Variants in COL6A1 observed in about 807,000 individuals in gnomAD.
COL6A1 encodes the protein collagen type VI alpha 1 chain.
Under a neutral mutation model 145.6 loss-of-function variants are expected in COL6A1, and 80 were observed. That is an observed-to-expected ratio of 0.55 (90% CI 0.46 to 0.66). The LOEUF (loss-of-function observed/expected upper bound fraction) is 0.66. Ranked by LOEUF, COL6A1 falls within the 30% of genes least tolerant of loss-of-function variation. The probability of loss-of-function intolerance (pLI) is 0.00; values close to 1 mark genes in which losing one functional copy is unlikely to be tolerated. For missense variants in COL6A1, 1,364 were observed against 1,473.8 expected (o/e 0.93, Z 1.22); for synonymous variants, 638 against 622.8 (o/e 1.02, Z -0.36).
At chr21:45,996,249 G>C (rs1471327768) in intron 20 of COL6A1, among the ~76,000 whole-genome samples, 1 of 152,200 alleles carries the variant, frequency 6.6e-6, no homozygotes, top group Non-Finnish European at 1.5e-5. Context: ...AGGATCTCAG[G>C]GTACCAGACT....
intron 25 of COL6A1, 95 bp downstream of exon 25, chr21:45,999,054 G>T: frequency 6.5e-7 from 1 of 1,540,984 alleles, no homozygotes; most frequent in African/African-American, 1.4e-5. Flanking sequence ...GCTTGGGGAG[G>T]CCTCATGGGC....
At chr21:45,992,325 A>T (rs752723766) in intron 17 of COL6A1, 38 bp from the exon 18 acceptor site, 2 of 1,613,784 alleles carry the variant, frequency 1.2e-6, no homozygotes, top group South Asian at 2.2e-5. Context: ...CAGTGTGTCC[A>T]CCAGACTAAC....
In COL6A1 at chr21:45,998,117, C is replaced by T. The variant is rs773948421; in HGVS notation, c.1525-4C>T. 1.2e-6 allele frequency: 2 copies of T among 1,612,080 alleles called. No individual in the cohort carries two copies. The highest frequency in any genetic ancestry group is 2.2e-5 in the East Asian group (1 of 44,822). Reference sequence around the variant, plus strand: ...GCACGGTGACGGCTACTCTGCTCCCCCAGGGAGAAGACGGCCCCGCTGGAA... The same window carrying T: ...GCACGGTGACGGCTACTCTGCTCCCTCAGGGAGAAGACGGCCCCGCTGGAA... On this transcript the variant is annotated splice_polypyrimidine_tract_variant and splice_region_variant and intron_variant, in intron 22 of 34. Coordinates refer to ENST00000361866, the MANE Select transcript of COL6A1 (RefSeq NM_001848.3).
Position 45,994,835 on chromosome 21 carries a change from C to T in COL6A1, c.1398+606C>T, listed in dbSNP as rs1467297902. On this transcript the variant is annotated intron_variant, in intron 20 of 34. Transcript: ENST00000361866. This position sits in a 1 kb window ranked among gnomAD's most constrained non-coding sequence, Gnocchi z 6.8. ...GCTGGGCTGGGCCGTTGCATCCTCC[C>T]GGAGCTCACCTGCCCCACGGGGACA... Among the ~76,000 whole-genome samples, 6 of 152,144 alleles carry T rather than the reference C, an allele frequency of 3.9e-5. No homozygotes were observed. The highest frequency in any genetic ancestry group is 3.9e-4 in the East Asian group (2 of 5,166).
intron 34 of COL6A1, 107 bp downstream of exon 34, chr21:46,003,256 A>G: frequency 6.2e-7 from 1 of 1,604,174 alleles, no homozygotes; most frequent in Non-Finnish European, 8.5e-7. Flanking sequence ...TCACGAGAGT[A>G]GGTGCATGGC....
In COL6A1 at chr21:46,003,126, A is replaced by G. The variant is rs11553518; in HGVS notation, c.2441A>G (p.Lys814Arg). 26,695 of 1,614,024 alleles carry G rather than the reference A, an allele frequency of 0.017. 1,375 individuals are homozygous for G. The East Asian group carries it at 0.18, about 11-fold the overall frequency. Residue 814 changes from lysine to arginine, a missense_variant, in exon 34 of 35, where the codon AAG becomes AGG. This residue lies in a region of COL6A1 where 938 missense variants were observed against 1,003.8 expected (regional missense o/e 0.93). Transcript: ENST00000361866. ...CGGCTTTTCTCTTTTACAGACAAGA[A>G]GTGTCCAGATTACACCTGCCCCAGT... is the stretch of plus-strand genomic sequence containing the variant. ...NVTAQICIDKKCPDYTCPITF... is the reference protein window; with the variant it reads ...NVTAQICIDKRCPDYTCPITF...
At chr21:45,984,965 A>G (rs936551393) in intron 3 of COL6A1, among the ~76,000 whole-genome samples, 1 of 141,788 alleles carries the variant, frequency 7.1e-6, no homozygotes, top group Admixed American at 7.0e-5. Flanking sequence ...CAGAGACAGA[A>G]AGAGAGAGAG....
At chr21:45,983,654 T>C (rs76769523) in intron 2 of COL6A1, among the ~76,000 whole-genome samples, 1 of 135,764 alleles carries the variant, frequency 7.4e-6, no homozygotes, top group African/African-American at 3.3e-5. Context: ...CGTGCGGCAG[T>C]GTTTGGGGGG....
intron 34 of COL6A1, 33 bp from the exon 35 acceptor site, chr21:46,003,358 C>G: frequency 6.2e-7 from 1 of 1,600,184 alleles, no homozygotes; most frequent in Non-Finnish European, 8.5e-7. Context: ...TCACCAGGGC[C>G]TCATGCTAAC....
In COL6A1 at chr21:45,984,328, AG is replaced by A. The variant is rs759518534; in HGVS notation, c.289del (p.Val97TrpfsTer51). The A allele has an allele frequency of 6.2e-7, 1 of 1,612,348 alleles. No individual in the cohort carries two copies. The highest frequency in any genetic ancestry group is 8.5e-7 in the Non-Finnish European group (1 of 1,179,758). On this transcript the variant is annotated frameshift_variant, in exon 3 of 35. Transcript: ENST00000361866. LOFTEE classifies it high-confidence loss of function. ...WNAGALHYSDEVEIIQGLTRM... is the reference protein window; with the variant it reads ...WNAGALHYSDXVEIIQGLTRM... ...GCAGGCGCGCTGCACTACAGTGACG[AG>A]GTGGAGATCATCCAAGGCCTCACGC...
rs202212586 is a variant in COL6A1 at position 46,002,407 on chromosome 21, G to C, written c.2250+6G>C. On this transcript the variant is annotated splice_donor_region_variant and intron_variant, in intron 32 of 34. Transcript: ENST00000361866. Reference sequence around the variant, plus strand: ...TCTGCAGCCCCGGCATCCAGGTGGGGTGGCCACCCCCAGGCTGCACCTGCC... The same window carrying C: ...TCTGCAGCCCCGGCATCCAGGTGGGCTGGCCACCCCCAGGCTGCACCTGCC... 1.8e-3 allele frequency: 2,864 copies of C among 1,606,792 alleles called. 13 individuals carry two copies. Among genetic ancestry groups the C allele is most frequent in the Non-Finnish European group, 1.9e-3 (2,265 of 1,177,016 alleles).
At chr21:45,996,350 T>A (rs2077804411) in intron 20 of COL6A1, among the ~76,000 whole-genome samples, 1 of 152,178 alleles carries the variant, frequency 6.6e-6, no homozygotes, top group Admixed American at 6.5e-5. Flanking sequence ...TCCTGACTGC[T>A]GGGGCGTTGA....
chr21:45,982,678 G>A lies in COL6A1; in HGVS notation c.142G>A (p.Val48Met). Reference protein sequence around the residue: ...LFFVLDTSESVALRLKPYGAL... With the variant: ...LFFVLDTSESMALRLKPYGAL... The stretch of plus-strand genomic sequence containing the variant: ...CTTTGTGCTGGACACCTCTGAGAGC[G>A]TGGCCCTGAGGCTGAAGCCCTACGG... The change falls in exon 2 of 35, where the codon GTG becomes ATG. Residue 48 changes from valine to methionine, a missense_variant. Val to Met is a conservative substitution (Grantham distance 21). Coordinates refer to ENST00000361866, the MANE Select transcript of COL6A1 (RefSeq NM_001848.3). 6.2e-7 allele frequency: 1 copy of A among 1,612,922 alleles called. No individual in the cohort carries two copies. Among genetic ancestry groups the A allele is most frequent in the East Asian group, 2.2e-5 (1 of 44,882 alleles).
intron 3 of COL6A1, 134 bp from the exon 4 acceptor site, chr21:45,986,392 C>T: frequency 1.2e-6 from 1 of 810,760 alleles, no homozygotes. Flanking sequence ...GTAACCCCCA[C>T]CGTATAGCCA....
intron 2 of COL6A1, among the ~76,000 whole-genome samples, chr21:45,983,750 C>A (rs2077721794): frequency 6.6e-6 from 1 of 152,052 alleles, no homozygotes; most frequent in African/African-American, 2.4e-5. Flanking sequence ...ACTCAGTCTC[C>A]CCATGACTCA....
At chr21:46,000,078 C>T (rs1173491929) in intron 27 of COL6A1, among the ~76,000 whole-genome samples, 1 of 109,662 alleles carries the variant, frequency 9.1e-6, no homozygotes, top group Admixed American at 9.5e-5. Flanking sequence ...GGGACCTGTA[C>T]CCATGAGGAC....
intron 11 of COL6A1, 33 bp downstream of exon 11, chr21:45,989,811 C>T (rs1270429090): frequency 6.2e-7 from 1 of 1,612,594 alleles, no homozygotes; most frequent in South Asian, 1.1e-5. Context: ...GCTGGTCTCT[C>T]CAGGCGCAGA....
intron 4 of COL6A1, 24 bp from the exon 5 acceptor site, chr21:45,986,920 G>A: frequency 1.3e-6 from 2 of 1,541,774 alleles, no homozygotes; most frequent in South Asian, 2.4e-5. Context: ...GCCCTGCTCA[G>A]CCCACCCTGA....
rs2077866565 is a variant in COL6A1 at position 46,004,051 on chromosome 21, C to T, written c.*38C>T. 16 of 1,611,346 alleles carry T rather than the reference C, an allele frequency of 9.9e-6. No individual in the cohort carries two copies. Among genetic ancestry groups the T allele is most frequent in the Non-Finnish European group, 1.2e-5 (14 of 1,178,918 alleles). ...GCCGGCACCAAACCCTGTCCTCCCA[C>T]CCCTCCCCACTCATCACTAAACAGA... is the stretch of plus-strand genomic sequence containing the variant. On this transcript the variant is annotated 3_prime_UTR_variant, in exon 35 of 35. Transcript: ENST00000361866.
Sources: allele counts gnomAD v4.1 joint callset (sites outside exome capture counted in the v4.1 genomes callset), GRCh38; gene constraint gnomAD v4.1.1; regional missense constraint gnomAD v4.1.1; non-coding constraint Gnocchi (gnomAD v3.1); transcripts MANE v1.5; gene names NCBI Gene and HGNC (gene_info 2026-07-23, HGNC 2026-07-21).